The following ABCA6 variants were observed in gnomAD, a reference collection of about 807,000 sequenced individuals.
The protein encoded by ABCA6 is ATP-binding cassette sub-family A member 6.
Under a neutral mutation model 191.2 loss-of-function variants are expected in ABCA6, and 164 were observed. The ratio of observed to expected loss-of-function variants is 0.86; its 90% confidence interval spans 0.76 to 0.98. The LOEUF (loss-of-function observed/expected upper bound fraction) is 0.98, where lower values mean the gene tolerates loss of function less well. ABCA6 is among the 50% of genes least tolerant of loss of function. The probability of loss-of-function intolerance (pLI) is 0.00; values close to 1 mark genes in which losing one functional copy is unlikely to be tolerated. For synonymous variants in ABCA6, 636 were observed against 647.7 expected (o/e 0.98, Z 0.27); for missense variants, 1,958 against 1,894.1 (o/e 1.03, Z -0.63).
In ABCA6 at chr17:69,135,034, C is replaced by G. The variant is rs562654896; in HGVS notation, c.461-292G>C. 1.2e-3 allele frequency among the ~76,000 whole-genome samples: 175 copies of G among 151,966 alleles called. 2 individuals carry two copies. Among genetic ancestry groups the G allele is most frequent in the Non-Finnish European group, 1.5e-3 (103 of 67,960 alleles). ...AAGCTGGGATTATAGGCACAGGCCA[C>G]GTTGTCTAGCTAATTTTTGTATTTT... On this transcript the variant is annotated intron_variant, in intron 4 of 38. Transcript: ENST00000284425.
At chr17:69,127,726 A>T (rs146442672) in intron 8 of ABCA6, among the ~76,000 whole-genome samples, 1 of 152,238 alleles carries the variant, frequency 6.6e-6, no homozygotes, top group East Asian at 1.9e-4. Flanking sequence ...AGCTACTAAG[A>T]TTAATATTTG....
intron 25 of ABCA6, chr17:69,095,219 T>A (rs1478734057): frequency 5.2e-6 from 1 of 190,512 alleles, no homozygotes; most frequent in Non-Finnish European, 1.1e-5. Context: ...AAAAATAGTC[T>A]CCATGGAAAG....
intron 11 of ABCA6, 119 bp downstream of exon 11, chr17:69,117,779 T>G: frequency 1.5e-6 from 1 of 687,342 alleles, no homozygotes; most frequent in Non-Finnish European, 2.5e-6. Context: ...GATAGCGTTA[T>G]TTATATTCTT....
chr17:69,122,266 TAGTC>T (rs1319773499), intron 10 of ABCA6, among the ~76,000 whole-genome samples: 3 of 152,096 alleles, frequency 2.0e-5, no homozygotes, highest in Non-Finnish European at 4.4e-5. Context: ...GTCAGGTACA[TAGTC>T]AGCACTAAGT....
chr17:69,082,362 C>CAG (rs2072659023), intron 36 of ABCA6, among the ~76,000 whole-genome samples: 2 of 138,398 alleles, frequency 1.4e-5, no homozygotes, highest in African/African-American at 5.5e-5. Flanking sequence ...CACACACACA[C>CAG]AGATATGTGG....
In ABCA6 at chr17:69,110,845, T is replaced by C. The variant is rs1331288996; in HGVS notation, c.2228A>G (p.Lys743Arg). 14 of 1,611,652 alleles carry C rather than the reference T, an allele frequency of 8.7e-6. No individual in the cohort carries two copies. The highest frequency in any genetic ancestry group is 1.0e-5 in the Non-Finnish European group (12 of 1,178,818). ...DAKLKTENKE[K>R]LVYTLPLERT... Reference sequence around the variant, plus strand: ...TTCCAGTGGCAAAGTATATACAAGCTTTTCTTTGTTTTCTGTTTTTAATTT... The same window carrying C: ...TTCCAGTGGCAAAGTATATACAAGCCTTTCTTTGTTTTCTGTTTTTAATTT... Residue 743 changes from lysine (K) to arginine (R), a missense_variant, in exon 17 of 39, where the codon AAG becomes AGG. Lys to Arg is a conservative substitution (Grantham distance 26). Coordinates refer to ENST00000284425, the MANE Select transcript of ABCA6 (RefSeq NM_080284.3).
intron 9 of ABCA6, 58 bp from the exon 10 acceptor site, chr17:69,123,465 A>G (rs955157554): frequency 8.1e-6 from 10 of 1,234,096 alleles, no homozygotes; most frequent in African/African-American, 6.2e-5. Flanking sequence ...TGCGCAAAGA[A>G]GCCTTGCTAA....
intron 8 of ABCA6, among the ~76,000 whole-genome samples, chr17:69,127,950 C>T (rs146882577): frequency 6.6e-6 from 1 of 152,086 alleles, no homozygotes; most frequent in Admixed American, 6.6e-5. Flanking sequence ...TACACAGAAA[C>T]TATGCTGCCA....
At chr17:69,100,056 C>T (rs370591352) in intron 22 of ABCA6, among the ~76,000 whole-genome samples, 2 of 152,264 alleles carry the variant, frequency 1.3e-5, no homozygotes, top group East Asian at 1.9e-4. Flanking sequence ...ACCATGACTA[C>T]GTTAAGTTCT....
intron 6 of ABCA6, among the ~76,000 whole-genome samples, chr17:69,130,572 T>C (rs1283432602): frequency 6.6e-6 from 1 of 152,188 alleles, no homozygotes. Flanking sequence ...CTGCTGCCCA[T>C]GGAAATTTAG....
Position 69,084,431 on chromosome 17 carries a change from C to G in ABCA6, c.4260+1G>C. The G allele has an allele frequency of 1.2e-6, 2 of 1,614,164 alleles. No individual in the cohort carries two copies. The highest frequency in any genetic ancestry group is 1.7e-6 in the Non-Finnish European group (2 of 1,180,016). ...CATAGAGCATCACACACCGCACGTA[C>G]CTTTCTCGTGATTCCTGCTGTTAAT... On this transcript the variant is annotated splice_donor_variant, in intron 33 of 38. Coordinates refer to ENST00000284425, the MANE Select transcript of ABCA6 (RefSeq NM_080284.3). LOFTEE classifies it high-confidence loss of function.
Position 69,100,660 on chromosome 17 carries a change from A to AC in ABCA6, c.3012+136dup, listed in dbSNP as rs568761863. 2.5e-3 allele frequency: 2,367 copies of AC among 934,910 alleles called. 7 individuals carry two copies. Among genetic ancestry groups the AC allele is most frequent in the Non-Finnish European group, 3.3e-3 (2,204 of 670,730 alleles). 57.9% of individuals were successfully genotyped at this position (934,910 alleles called of 1,614,324 possible). On this transcript the variant is annotated intron_variant, in intron 22 of 38. Transcript: ENST00000284425. ...AAAAAATCCTGTTTTGTTTGCTATA[A>AC]CCCATTGAAAATATTAGGATAAAAT...
intron 29 of ABCA6, among the ~76,000 whole-genome samples, 166 bp downstream of exon 29, chr17:69,087,187 G>C (rs541173350): frequency 1.3e-5 from 2 of 152,172 alleles, no homozygotes; most frequent in Non-Finnish European, 2.9e-5. Context: ...CTCTGAATAA[G>C]CGGAGTGCCT....
Position 69,123,355 on chromosome 17 carries a change from A to G in ABCA6, c.1320T>C (p.Cys440=). 6.4e-7 allele frequency: 1 copy of G among 1,558,618 alleles called. No homozygotes were observed. Among genetic ancestry groups the G allele is most frequent in the South Asian group, 1.2e-5 (1 of 81,648 alleles). The change falls in exon 10 of 39, where the codon TGT becomes TGC. Residue 440 remains cysteine (C), a synonymous_variant. Transcript: ENST00000284425. The part of the protein sequence containing the change: ...SPLFFLNSSS[C]FQHQRTNAKV... Reference sequence around the variant, plus strand: ...TAGCATTAGTCCTTTGGTGTTGGAAACAAGATGATGAATTCAAGAAAAATA... The same window carrying G: ...TAGCATTAGTCCTTTGGTGTTGGAAGCAAGATGATGAATTCAAGAAAAATA...
At chr17:69,137,761 A>C (rs1386291898) in intron 2 of ABCA6, among the ~76,000 whole-genome samples, 1 of 152,182 alleles carries the variant, frequency 6.6e-6, no homozygotes, top group Non-Finnish European at 1.5e-5. Flanking sequence ...AAACTAATGG[A>C]GTGAATAACA....
intron 11 of ABCA6, 86 bp from the exon 12 acceptor site, chr17:69,115,572 C>T: frequency 6.9e-6 from 6 of 872,488 alleles, no homozygotes; most frequent in South Asian, 2.2e-5. Flanking sequence ...TAGAACAAGG[C>T]TATTTAGTTT....
chr17:69,100,932 A>G lies in ABCA6; in HGVS notation c.2877T>C (p.Asp959=). ...TATTACACACAACTGAAAATCTATAATCCTTAAAACAGAAACAAATAAATA... is the reference window on the plus strand; with the variant it reads ...TATTACACACAACTGAAAATCTATAGTCCTTAAAACAGAAACAAATAAATA... ...GAIIVSGKQK[D]YRFSVVCNTK... is the part of the protein sequence containing the mutation. The change falls in exon 22 of 39, where the codon GAT becomes GAC. Residue 959 remains aspartate, a splice_region_variant and synonymous_variant. Transcript: ENST00000284425. The G allele has an allele frequency of 1.3e-6, 2 of 1,586,498 alleles. No individual in the cohort carries two copies. The highest frequency in any genetic ancestry group is 1.7e-6 in the Non-Finnish European group (2 of 1,164,136).
rs1161529569 is a variant in ABCA6 at position 69,091,679 on chromosome 17, C to T, written c.3409-417G>A. Among the ~76,000 whole-genome samples the T allele has an allele frequency of 4.1e-5, 3 of 72,636 alleles. 1 individual carries two copies. In the East Asian group the frequency reaches 6.8e-4, roughly 17 times the overall value. 47.7% of individuals were successfully genotyped at this position (72,636 alleles called of 152,430 possible). A position where few individuals can be genotyped will look rare whatever the true frequency, so the allele number is the denominator to read the frequency against. On this transcript the variant is annotated intron_variant, in intron 25 of 38. Coordinates refer to ENST00000284425, the MANE Select transcript of ABCA6 (RefSeq NM_080284.3). ...CTGGGACTACAGGCGCCCGCCACTA[C>T]GCCCGGCTAATTTTTTGTATTTTTA...
rs756756249 is a variant in ABCA6, at chr17:69,114,828, G to A, written c.1716C>T (p.Thr572=). 20 of 1,612,446 alleles carry A rather than the reference G, an allele frequency of 1.2e-5. 1 individual carries two copies. The highest frequency in any genetic ancestry group is 1.1e-4 in the South Asian group (10 of 90,976). The part of the protein sequence containing the change: ...PQFNVQFDIL[T]VKENLSLFAK... ...CAAACAGGCTGAGGTTTTCCTTCAC[G>A]GTGAGTATGTCAAATTGAACATTGA... is the stretch of plus-strand genomic sequence containing the variant. The change falls in exon 13 of 39, where the codon ACC becomes ACT. Residue 572 remains threonine (T), a synonymous_variant. Transcript: ENST00000284425.
Sources: allele counts gnomAD v4.1 joint callset (sites outside exome capture counted in the v4.1 genomes callset), GRCh38; gene constraint gnomAD v4.1.1; transcripts MANE v1.5; gene names NCBI Gene and HGNC (gene_info 2026-07-23, HGNC 2026-07-21).